Variants in EFTUD2 observed in about 807,000 individuals in gnomAD.
EFTUD2 encodes the protein 116 kDa U5 small nuclear ribonucleoprotein component.
A neutral mutation model predicts 114.3 loss-of-function variants in EFTUD2; 9 were observed. The ratio of observed to expected loss-of-function variants is 0.08; its 90% CI spans 0.05 to 0.14. EFTUD2 has a LOEUF of 0.14. Ranked by LOEUF, EFTUD2 falls within the 10% of genes least tolerant of loss-of-function variation. The pLI is 1.00. For synonymous variants in EFTUD2, 449 were observed against 462.3 expected (o/e 0.97, Z 0.37); for missense variants, 765 against 1,241.2 (o/e 0.62, Z 5.76).
Position 44,872,451 on chromosome 17 carries a change from G to A in EFTUD2, c.989C>T (p.Thr330Ile), listed in dbSNP as rs1451977643. Residue 330 changes from threonine (T) to isoleucine (I), a missense_variant, in exon 11 of 28, where the codon ACC becomes ATC. Transcript: ENST00000426333. The part of the protein sequence containing the change: ...LGSFAKIYAD[T>I]FGDINYQEFA... ...GACTGCCAGCCAGCGCTTACCAAAGGTGTCGGCATAGATCTTGGCAAAGGA... is the reference window on the plus strand; with the variant it reads ...GACTGCCAGCCAGCGCTTACCAAAGATGTCGGCATAGATCTTGGCAAAGGA... 6.2e-7 allele frequency: 1 copy of A among 1,612,546 alleles called. No homozygotes were observed. Among genetic ancestry groups the A allele is most frequent in the Non-Finnish European group, 8.5e-7 (1 of 1,179,110 alleles).
At chr17:44,860,987 A>T (rs2050648191) in intron 16 of EFTUD2, among the ~76,000 whole-genome samples, 1 of 152,182 alleles carries the variant, frequency 6.6e-6, no homozygotes, top group African/African-American at 2.4e-5. Context: ...GAGATACAGT[A>T]AACAATCATT....
At chr17:44,882,847 A>G (rs570984608) in intron 6 of EFTUD2, among the ~76,000 whole-genome samples, 7 of 152,342 alleles carry the variant, frequency 4.6e-5, no homozygotes, top group African/African-American at 1.4e-4. Context: ...AGGATATATC[A>G]TAACAGAGGA....
Position 44,860,521 on chromosome 17 carries a change from C to T in EFTUD2, c.1630G>A (p.Val544Ile), listed in dbSNP as rs767363429. Residue 544 changes from valine to isoleucine, a missense_variant, in exon 17 of 28, where the codon GTT (valine) becomes ATT (isoleucine). Physicochemically the swap from Val to Ile is conservative, Grantham distance 29. Around this residue, in one of 6 missense-constraint regions of EFTUD2, gnomAD observed 149 missense variants for 245.1 expected, o/e 0.61. Transcript: ENST00000426333. ...VARYHIEVNRVPAGNWVLIEG... is the reference protein window; with the variant it reads ...VARYHIEVNRIPAGNWVLIEG... ...ATCAGAACCCAGTTGCCAGCAGGAA[C>T]ACGGTTCACCTCGATGTGGTACCTG... 1.2e-6 allele frequency: 2 copies of T among 1,613,536 alleles called. No homozygotes were observed. Among genetic ancestry groups the T allele is most frequent in the Non-Finnish European group, 8.5e-7 (1 of 1,179,696 alleles).
chr17:44,872,616 C>G, intron 10 of EFTUD2, 46 bp from the exon 11 acceptor site: 1 of 1,541,394 alleles, frequency 6.5e-7, no homozygotes, highest in Non-Finnish European at 8.8e-7. Context: ...TGCAGCAGCC[C>G]GGACGCACTG....
intron 15 of EFTUD2, 103 bp from the exon 16 acceptor site, chr17:44,863,009 G>T: frequency 2.1e-6 from 2 of 964,210 alleles, no homozygotes; most frequent in Non-Finnish European, 3.1e-6. Context: ...TCTATGAGGA[G>T]CTAGAGAAAG....
intron 4 of EFTUD2, 77 bp from the exon 5 acceptor site, chr17:44,883,801 G>C (rs1233476349): frequency 6.8e-7 from 1 of 1,465,578 alleles, no homozygotes; most frequent in Non-Finnish European, 9.5e-7. Flanking sequence ...GGTGTTTCAG[G>C]TATTTTTTGG....
chr17:44,895,848 T>C (rs1252727325), intron 1 of EFTUD2: 3 of 152,236 alleles, frequency 2.0e-5, no homozygotes, highest in Admixed American at 6.5e-5. Context: ...TCCAGGATCA[T>C]GTTTGCATTT....
At chr17:44,885,431 G>T in intron 3 of EFTUD2, 97 bp from the exon 4 acceptor site, 2 of 831,772 alleles carry the variant, frequency 2.4e-6, no homozygotes, top group Non-Finnish European at 4.1e-6. Context: ...AATGTATGAT[G>T]TATGACATCA....
chr17:44,864,547 C>T (rs911221969), intron 14 of EFTUD2, among the ~76,000 whole-genome samples: 8 of 152,130 alleles, frequency 5.3e-5, no homozygotes, highest in Non-Finnish European at 1.0e-4. Flanking sequence ...TGCTGTATCA[C>T]GTGCCTTCTG....
intron 16 of EFTUD2, among the ~76,000 whole-genome samples, chr17:44,862,009 G>C (rs1008396657): frequency 1.3e-5 from 2 of 152,152 alleles, no homozygotes; most frequent in African/African-American, 4.8e-5. Flanking sequence ...AGTGGAGTTG[G>C]GGAACAATTT....
chr17:44,895,495 C>CAAAAA (rs34990843), intron 1 of EFTUD2, among the ~76,000 whole-genome samples: 3 of 88,112 alleles, frequency 3.4e-5, no homozygotes, highest in Admixed American at 1.3e-4. Flanking sequence ...GACTCCATCT[C>CAAAAA]AAAAAAAAAA....
intron 3 of EFTUD2, among the ~76,000 whole-genome samples, chr17:44,885,972 C>T (rs2051164601): frequency 6.6e-6 from 1 of 152,130 alleles, no homozygotes. Flanking sequence ...TGCAGTGGCT[C>T]ACGCCTGTAA....
Position 44,895,877 on chromosome 17 carries a change from CTCTTTGGATCTACAATCTTCAG to C in EFTUD2, c.-4-1374_-4-1353del, listed in dbSNP as rs1327603075. On this transcript the variant is annotated intron_variant, in intron 1 of 27. Transcript: ENST00000426333. ...TGCATTTGGTTGTCATGTCTCTAGTCTCTTTGGATCTACAATCTTCAGTCTTTGGATCTACAATCTTCAGTCT... is the reference window on the plus strand; with the variant it reads ...TGCATTTGGTTGTCATGTCTCTAGTCTCTTTGGATCTACAATCTTCAGTCT... 3.9e-5 allele frequency: 6 copies of C among 152,330 alleles called. No homozygotes were observed. In the South Asian group the frequency reaches 6.2e-4, roughly 16 times the overall value. The allele number at this position is 152,330 out of a possible 1,614,324, so 9.4% of individuals were successfully genotyped here.
chr17:44,866,153 A>G (rs1437856946), intron 13 of EFTUD2, among the ~76,000 whole-genome samples: 1 of 152,330 alleles, frequency 6.6e-6, no homozygotes, highest in African/African-American at 2.4e-5. Context: ...GCTTAATTAA[A>G]TCCTTACCAT....
Position 44,850,459 on chromosome 17 carries a change from A to C in EFTUD2, c.*815T>G. On this transcript the variant is annotated 3_prime_UTR_variant, in exon 28 of 28. Transcript: ENST00000426333. ...CTCAATCCCTGGTACATTCCTAATA[A>C]AGCAGTTTTGAGGAAAATCAACAGA... The C allele has an allele frequency of 2.3e-6, 3 of 1,280,404 alleles. No individual in the cohort carries two copies. The Admixed American group carries it at 5.7e-5, about 24-fold the overall frequency. 79.3% of individuals were successfully genotyped at this position (1,280,404 alleles called of 1,614,324 possible). A position where few individuals can be genotyped will look rare whatever the true frequency, so the allele number is the denominator to read the frequency against.
intron 24 of EFTUD2, 36 bp from the exon 25 acceptor site, chr17:44,853,426 G>A: frequency 6.2e-7 from 1 of 1,612,910 alleles, no homozygotes; most frequent in Non-Finnish European, 8.5e-7. Flanking sequence ...CCTCAGCTTG[G>A]GGAAGGCTGG....
intron 27 of EFTUD2, 82 bp from the exon 28 acceptor site, chr17:44,851,451 G>A (rs984201970): frequency 4.2e-6 from 5 of 1,195,536 alleles, no homozygotes; most frequent in Non-Finnish European, 6.2e-6. Context: ...TGTGTTCAGT[G>A]GGGAGGCTAG....
chr17:44,880,532 C>A, intron 8 of EFTUD2, 22 bp downstream of exon 8: 1 of 1,602,894 alleles, frequency 6.2e-7, no homozygotes, highest in South Asian at 1.1e-5. Flanking sequence ...TTCTAATAAT[C>A]AAAAGCCAAA....
intron 11 of EFTUD2, among the ~76,000 whole-genome samples, chr17:44,872,200 AT>A (rs1330341542): frequency 7.9e-5 from 12 of 152,214 alleles, no homozygotes; most frequent in Non-Finnish European, 1.8e-4. Flanking sequence ...AGAGACTTTT[AT>A]TCCTAAAATG....
Sources: gnomAD v4.1 joint callset for allele counts (sites outside exome capture counted in the v4.1 genomes callset) on GRCh38, gnomAD v4.1.1 for gene constraint, gnomAD v4.1.1 regional missense constraint, MANE v1.5 for transcripts, NCBI Gene and HGNC (gene_info 2026-07-23, HGNC 2026-07-21) for gene names.